Variants in CSNK1G1 observed in about 807,000 individuals in gnomAD.
CSNK1G1 encodes the protein casein kinase 1 gamma 1.
Under a neutral mutation model 59.6 loss-of-function variants are expected in CSNK1G1, and 22 were observed. The observed-to-expected ratio is 0.37, with a 90% CI of 0.26 to 0.53. The LOEUF (loss-of-function observed/expected upper bound fraction) is 0.53. Ranked by LOEUF, CSNK1G1 falls within the 20% of genes least tolerant of loss-of-function variation. CSNK1G1 has a pLI of 0.89. For missense variants in CSNK1G1, 384 were observed against 519.5 expected (o/e 0.74, Z 2.54); for synonymous variants, 179 against 177.1 (o/e 1.01, Z -0.08).
At chr15:64,212,686 G>A (rs946736030) in intron 6 of CSNK1G1, among the ~76,000 whole-genome samples, 1 of 152,172 alleles carries the variant, frequency 6.6e-6, no homozygotes, top group East Asian at 1.9e-4. Flanking sequence ...TCCAGCCTGA[G>A]TGAGAGTGAG....
At chr15:64,225,246 T>C (rs1330130502) in intron 4 of CSNK1G1, among the ~76,000 whole-genome samples, 15 of 151,980 alleles carry the variant, frequency 9.9e-5, no homozygotes, top group Admixed American at 9.8e-4. Flanking sequence ...TGGCCTCAAG[T>C]GGTCCACCTG....
chr15:64,321,089 G>A (rs1397359083), intron 1 of CSNK1G1, among the ~76,000 whole-genome samples: 1 of 151,886 alleles, frequency 6.6e-6, no homozygotes, highest in African/African-American at 2.4e-5. Context: ...ATTACTATTG[G>A]TAATAAGTTT....
chr15:64,334,100 C>T (rs1897255088), intron 1 of CSNK1G1, among the ~76,000 whole-genome samples: 1 of 152,158 alleles, frequency 6.6e-6, no homozygotes, highest in Admixed American at 6.5e-5. Flanking sequence ...GAACATTCTA[C>T]CCAAGAACTG....
chr15:64,232,654 G>T (rs2082564066), intron 4 of CSNK1G1, among the ~76,000 whole-genome samples: 2 of 152,110 alleles, frequency 1.3e-5, no homozygotes, highest in Admixed American at 1.3e-4. Flanking sequence ...AAGGGCTGTG[G>T]TCAGTCCTTT....
chr15:64,180,811 G>A lies in CSNK1G1; in HGVS notation c.1108-357C>T, dbSNP rs566022603. On this transcript the variant is annotated intron_variant, in intron 10 of 11. Coordinates refer to ENST00000303052, the MANE Select transcript of CSNK1G1 (RefSeq NM_022048.5). Reference sequence around the variant, plus strand: ...AGAGTTAATATCTGTGAATTTCCATGAGGAAAATTTGTTCTAAACACAGAT... The same window carrying A: ...AGAGTTAATATCTGTGAATTTCCATAAGGAAAATTTGTTCTAAACACAGAT... 7.2e-5 allele frequency among the ~76,000 whole-genome samples: 11 copies of A among 152,282 alleles called. 1 individual carries two copies. Among genetic ancestry groups the A allele is most frequent in the African/African-American group, 1.9e-4 (8 of 41,560 alleles).
Position 64,168,566 on chromosome 15 carries a change from A to C in CSNK1G1, c.*3365T>G, listed in dbSNP as rs1332273728. On this transcript the variant is annotated 3_prime_UTR_variant, in exon 12 of 12. Transcript: ENST00000303052. The stretch of plus-strand genomic sequence containing the variant: ...TATACTATTAAGGGTTTTTATGAAT[A>C]GATGCTGAGTTAGCTTTCAGGAAAA... 13 of 152,226 alleles carry C rather than the reference A, an allele frequency of 8.5e-5. No individual in the cohort carries two copies. Among genetic ancestry groups the C allele is most frequent in the Non-Finnish European group, 1.9e-4 (13 of 68,038 alleles). The allele number at this position is 152,226 out of a possible 1,614,324, so 9.4% of individuals were successfully genotyped here.
chr15:64,181,564 G>T, intron 10 of CSNK1G1: 1 of 865,300 alleles, frequency 1.2e-6, no homozygotes, highest in Non-Finnish European at 1.7e-6. Context: ...GTATGAGACT[G>T]TCTAGTATAA....
intron 2 of CSNK1G1, among the ~76,000 whole-genome samples, chr15:64,267,174 T>C (rs76847283): frequency 6.6e-6 from 1 of 150,770 alleles, no homozygotes; most frequent in Non-Finnish European, 1.5e-5. Flanking sequence ...GGAGAATCAC[T>C]TGAACCCAGG....
intron 5 of CSNK1G1, among the ~76,000 whole-genome samples, chr15:64,215,720 A>G (rs1308142945): frequency 6.6e-6 from 1 of 152,208 alleles, no homozygotes; most frequent in Non-Finnish European, 1.5e-5. Context: ...TGCTTCTTAA[A>G]CTGGTATTTG....
intron 4 of CSNK1G1, among the ~76,000 whole-genome samples, chr15:64,229,033 A>AAG (rs1555501600): frequency 4.6e-5 from 7 of 151,734 alleles, no homozygotes; most frequent in African/African-American, 1.7e-4. Context: ...AAAAAAAAAA[A>AAG]AAAAAGAAAA....
At chr15:64,311,611 C>T (rs759912432) in intron 1 of CSNK1G1, among the ~76,000 whole-genome samples, 6 of 149,382 alleles carry the variant, frequency 4.0e-5, no homozygotes, top group Admixed American at 6.7e-5. Flanking sequence ...GATGACCACG[C>T]CTGTGAATAG....
At position 64,216,484 on chromosome 15, in the gene CSNK1G1, A is replaced by G; in HGVS notation, c.444+78T>C. Reference sequence around the variant, plus strand: ...TAATTCTTGATGTGTTGCTACGGCTAGTAAATCACCAAAAGGCCCACAAGG... The same window carrying G: ...TAATTCTTGATGTGTTGCTACGGCTGGTAAATCACCAAAAGGCCCACAAGG... On this transcript the variant is annotated intron_variant, in intron 5 of 11. Transcript: ENST00000303052. The surrounding 1 kb of genome is among the most constrained non-coding windows in gnomAD (Gnocchi z 4.6). 1.3e-5 allele frequency: 18 copies of G among 1,394,716 alleles called. No individual in the cohort carries two copies. The highest frequency in any genetic ancestry group is 1.8e-5 in the Non-Finnish European group (18 of 997,184). The allele number at this position is 1,394,716 out of a possible 1,614,324, so 86.4% of individuals were successfully genotyped here.
intron 1 of CSNK1G1, among the ~76,000 whole-genome samples, chr15:64,302,496 GA>G (rs898222286): frequency 4.7e-5 from 7 of 149,912 alleles, no homozygotes; most frequent in East Asian, 3.9e-4. Context: ...TTCTGTAAAG[GA>G]AAAAAAAATC....
intron 1 of CSNK1G1, among the ~76,000 whole-genome samples, chr15:64,320,846 C>T (rs1051009938): frequency 2.0e-5 from 3 of 152,088 alleles, no homozygotes; most frequent in Non-Finnish European, 4.4e-5. Context: ...GTCCACACCA[C>T]CAGTTTGTAA....
chr15:64,250,450 T>C (rs1352115438), intron 4 of CSNK1G1, among the ~76,000 whole-genome samples: 2 of 152,168 alleles, frequency 1.3e-5, no homozygotes, highest in Admixed American at 6.6e-5. Flanking sequence ...ATAGGGTTAC[T>C]TGAAATAGAA....
At chr15:64,316,553 A>G (rs970585568) in intron 1 of CSNK1G1, among the ~76,000 whole-genome samples, 15 of 149,924 alleles carry the variant, frequency 1.0e-4, no homozygotes, top group South Asian at 8.5e-4. Context: ...AAAAAAAAAA[A>G]AAAGAAAAGA....
rs746236629 is a variant in CSNK1G1, at chr15:64,216,722, A to G, written c.293-9T>C. 1 of 1,613,804 alleles carries G rather than the reference A, an allele frequency of 6.2e-7. No homozygotes were observed. Among genetic ancestry groups the G allele is most frequent in the Non-Finnish European group, 8.5e-7 (1 of 1,179,702 alleles). The stretch of plus-strand genomic sequence containing the variant: ...CTGTGGGAGACCTTCACCTGAAAGC[A>G]GAGGGGAAATGGGGGTATACAGTGG... On this transcript the variant is annotated splice_polypyrimidine_tract_variant and intron_variant, in intron 4 of 11. Transcript: ENST00000303052. The surrounding 1 kb of genome is among the most constrained non-coding windows in gnomAD (Gnocchi z 4.6).
At chr15:64,278,416 GTGTATATA>G (rs1183241057) in intron 2 of CSNK1G1, among the ~76,000 whole-genome samples, 18 of 98,514 alleles carry the variant, frequency 1.8e-4, no homozygotes, top group African/African-American at 8.3e-4. Context: ...GTGTGTGTGT[GTGTATATA>G]TATATATATT....
chr15:64,299,748 T>C (rs1476384905), intron 2 of CSNK1G1, among the ~76,000 whole-genome samples: 2 of 152,090 alleles, frequency 1.3e-5, no homozygotes, highest in Non-Finnish European at 2.9e-5. Flanking sequence ...GAAATAAAAT[T>C]GCCTAACTTC....
Sources: allele counts gnomAD v4.1 joint callset (sites outside exome capture counted in the v4.1 genomes callset), GRCh38; gene constraint gnomAD v4.1.1; non-coding constraint Gnocchi (gnomAD v3.1); transcripts MANE v1.5; gene names NCBI Gene and HGNC (gene_info 2026-07-23, HGNC 2026-07-21).